Variants in DSCAM observed in about 807,000 individuals in gnomAD.
The protein encoded by DSCAM is cell adhesion molecule DSCAM.
DSCAM carries 47 observed loss-of-function variants against 217.7 expected under a neutral mutation model. The observed-to-expected ratio is 0.22, with a 90% CI of 0.17 to 0.28. The LOEUF (loss-of-function observed/expected upper bound fraction) is 0.28. Ranked by LOEUF, DSCAM falls within the 10% of genes least tolerant of loss-of-function variation. DSCAM has a pLI of 1.00. For synonymous variants in DSCAM, 1,056 were observed against 1,015.3 expected (o/e 1.04, Z -0.76); for missense variants, 2,080 against 2,618.3 (o/e 0.79, Z 4.49).
At chr21:40,270,763 G>A (rs745896885) in intron 11 of DSCAM, among the ~76,000 whole-genome samples, 1 of 151,878 alleles carries the variant, frequency 6.6e-6, no homozygotes, top group Non-Finnish European at 1.5e-5. Flanking sequence ...CTTGGGGGCC[G>A]CTTGGGGGCA....
At chr21:40,773,583 G>A (rs2091464249) in intron 1 of DSCAM, among the ~76,000 whole-genome samples, 1 of 152,174 alleles carries the variant, frequency 6.6e-6, no homozygotes, top group Admixed American at 6.5e-5. Flanking sequence ...AGGAGAACAC[G>A]AATGTTTGGG....
At chr21:40,338,975 T>C (rs1451140268) in intron 7 of DSCAM, 144 bp downstream of exon 7, 7 of 1,060,552 alleles carry the variant, frequency 6.6e-6, no homozygotes, top group Admixed American at 2.7e-5. Flanking sequence ...GTGCCATTCC[T>C]GAGTAGGAAG....
At chr21:40,533,782 C>A (rs73364942) in intron 3 of DSCAM, among the ~76,000 whole-genome samples, 2 of 146,232 alleles carry the variant, frequency 1.4e-5, no homozygotes, top group Admixed American at 1.4e-4. Context: ...TCCATCTAAC[C>A]CTCTGTTTTT....
At chr21:40,504,222 C>T (rs539893456) in intron 3 of DSCAM, among the ~76,000 whole-genome samples, 34 of 152,094 alleles carry the variant, frequency 2.2e-4, no homozygotes, top group African/African-American at 7.5e-4. Flanking sequence ...AAGAGTGGGG[C>T]GAGGAGAGAG....
At chr21:40,586,120 C>A (rs571520108) in intron 3 of DSCAM, among the ~76,000 whole-genome samples, 1 of 152,148 alleles carries the variant, frequency 6.6e-6, no homozygotes, top group African/African-American at 2.4e-5. Context: ...GCCTCCCAAA[C>A]TGCTGGGATT....
chr21:40,320,932 T>C (rs1188111426), intron 8 of DSCAM, among the ~76,000 whole-genome samples: 1 of 152,198 alleles, frequency 6.6e-6, no homozygotes, highest in Non-Finnish European at 1.5e-5. Flanking sequence ...TTACTTTAAA[T>C]GTCTAAAAGA....
At position 40,352,053 on chromosome 21, in the gene DSCAM, T is replaced by C. The variant is rs193067227; in HGVS notation, c.934+1412A>G. Among the ~76,000 whole-genome samples the C allele has an allele frequency of 2.7e-3, 416 of 152,322 alleles. 2 individuals are homozygous for C. Among genetic ancestry groups the C allele is most frequent in the African/African-American group, 9.4e-3 (391 of 41,576 alleles). On this transcript the variant is annotated intron_variant, in intron 5 of 32. Coordinates refer to ENST00000400454, the MANE Select transcript of DSCAM (RefSeq NM_001389.5). ...CCCATTTATGCCTGAGGTTGCAATTTTTTTTGAATTTTTGCAATCAGACCT... is the reference window on the plus strand; with the variant it reads ...CCCATTTATGCCTGAGGTTGCAATTCTTTTTGAATTTTTGCAATCAGACCT...
chr21:40,425,758 T>C (rs2075468585), intron 3 of DSCAM, among the ~76,000 whole-genome samples: 2 of 151,964 alleles, frequency 1.3e-5, no homozygotes, highest in South Asian at 2.1e-4. Flanking sequence ...AGTATAATTC[T>C]AAAGAATATA....
At chr21:40,609,531 G>A (rs2089286091) in intron 3 of DSCAM, among the ~76,000 whole-genome samples, 1 of 152,178 alleles carries the variant, frequency 6.6e-6, no homozygotes, top group Non-Finnish European at 1.5e-5. Flanking sequence ...AGCAAGGACG[G>A]CAATTAAGAT....
chr21:40,662,788 C>T (rs2090152328), intron 3 of DSCAM, among the ~76,000 whole-genome samples: 1 of 152,246 alleles, frequency 6.6e-6, no homozygotes, highest in African/African-American at 2.4e-5. Flanking sequence ...GAAGAGGGCC[C>T]TCACCAGCAC....
At chr21:40,807,545 C>G (rs969028262) in intron 1 of DSCAM, among the ~76,000 whole-genome samples, 1 of 152,184 alleles carries the variant, frequency 6.6e-6, no homozygotes, top group Non-Finnish European at 1.5e-5. Flanking sequence ...TAGACCTGTT[C>G]CCTCCTGATC....
intron 11 of DSCAM, among the ~76,000 whole-genome samples, chr21:40,198,860 A>C (rs2091042243): frequency 6.6e-6 from 1 of 152,246 alleles, no homozygotes; most frequent in African/African-American, 2.4e-5. Flanking sequence ...AAAATTGTTA[A>C]GAATTCAAGA....
intron 3 of DSCAM, among the ~76,000 whole-genome samples, chr21:40,563,999 T>G (rs1244470121): frequency 1.3e-5 from 2 of 152,340 alleles, no homozygotes; most frequent in East Asian, 3.9e-4. Context: ...AGGCCAGCCA[T>G]GCAAAAGGCA....
At chr21:40,258,254 C>T (rs2073401621) in intron 11 of DSCAM, among the ~76,000 whole-genome samples, 1 of 152,160 alleles carries the variant, frequency 6.6e-6, no homozygotes, top group Admixed American at 6.5e-5. Context: ...CATCAGCTCT[C>T]CTGCTCTTTC....
At chr21:40,548,563 T>C (rs970491857) in intron 3 of DSCAM, among the ~76,000 whole-genome samples, 1 of 151,884 alleles carries the variant, frequency 6.6e-6, no homozygotes, top group Non-Finnish European at 1.5e-5. Context: ...TATTTCCTTT[T>C]CTAAATTATC....
At chr21:40,572,112 GT>G in intron 3 of DSCAM, among the ~76,000 whole-genome samples, 1 of 143,374 alleles carries the variant, frequency 7.0e-6, no homozygotes, top group Admixed American at 6.9e-5. Flanking sequence ...GTGTGTGTGT[GT>G]GTGTTTGTGT....
At chr21:40,675,492 C>G (rs1267463204) in intron 3 of DSCAM, among the ~76,000 whole-genome samples, 2 of 152,178 alleles carry the variant, frequency 1.3e-5, no homozygotes, top group Admixed American at 1.3e-4. Context: ...GTTTCTGTAA[C>G]TAGGTTCAAA....
chr21:40,378,398 T>C (rs1198092058), intron 3 of DSCAM, among the ~76,000 whole-genome samples: 1 of 152,130 alleles, frequency 6.6e-6, no homozygotes, highest in Admixed American at 6.5e-5. Context: ...CTTTTGATTT[T>C]TGAAGGGCAA....
chr21:40,427,985 T>C (rs77043270), intron 3 of DSCAM, among the ~76,000 whole-genome samples: 1 of 152,198 alleles, frequency 6.6e-6, no homozygotes, highest in Admixed American at 6.5e-5. Context: ...TGACCCATTA[T>C]ACTTTGTGCT....
Sources: allele counts gnomAD v4.1 joint callset (sites outside exome capture counted in the v4.1 genomes callset), GRCh38; gene constraint gnomAD v4.1.1; transcripts MANE v1.5; gene names NCBI Gene and HGNC (gene_info 2026-07-23, HGNC 2026-07-21).